The following AGBL4 variants were observed in gnomAD, a reference collection of about 807,000 sequenced individuals.
AGBL4 encodes the protein cytosolic carboxypeptidase 6.
Under a neutral mutation model 66.4 loss-of-function variants are expected in AGBL4, and 58 were observed. That is an observed-to-expected ratio of 0.87 (90% CI 0.71 to 1.09). AGBL4 has a LOEUF of 1.09. Among genes scored for constraint, AGBL4 ranks in the 50% least tolerant of loss-of-function variants. The pLI is 0.00. For missense variants in AGBL4, 579 were observed against 631.0 expected (o/e 0.92, Z 0.88); for synonymous variants, 234 against 222.9 (o/e 1.05, Z -0.44).
intron 3 of AGBL4, among the ~76,000 whole-genome samples, chr1:49,687,605 C>G (rs1440970402): frequency 6.6e-6 from 1 of 151,866 alleles, no homozygotes; most frequent in Non-Finnish European, 1.5e-5. Flanking sequence ...AACCTCATCT[C>G]TACAAAAATA....
intron 9 of AGBL4, among the ~76,000 whole-genome samples, chr1:48,598,288 A>G (rs1645026193): frequency 6.6e-6 from 1 of 152,240 alleles, no homozygotes; most frequent in South Asian, 2.1e-4. Flanking sequence ...AAGCAATCAC[A>G]GTACAGTCAT....
At chr1:49,568,360 A>G (rs1262387092) in intron 3 of AGBL4, among the ~76,000 whole-genome samples, 1 of 151,236 alleles carries the variant, frequency 6.6e-6, no homozygotes, top group Non-Finnish European at 1.5e-5. Context: ...GCTGAGAGCC[A>G]AATCAGGAAC....
chr1:49,409,139 ACT>A (rs1236547732), intron 3 of AGBL4, among the ~76,000 whole-genome samples: 2 of 83,520 alleles, frequency 2.4e-5, no homozygotes, highest in Non-Finnish European at 5.8e-5. Context: ...ATCAAACCCC[ACT>A]CTCTCTGGCT....
intron 5 of AGBL4, among the ~76,000 whole-genome samples, chr1:49,019,181 G>T (rs1327112538): frequency 6.6e-6 from 1 of 152,030 alleles, no homozygotes; most frequent in Non-Finnish European, 1.5e-5. Flanking sequence ...CCACTCACTG[G>T]GATGCTGTGG....
At chr1:48,522,905 G>A in the AGBL4 span, among the ~76,000 whole-genome samples, 2 of 143,590 alleles carry the variant, frequency 1.4e-5, no homozygotes, top group African/African-American at 5.2e-5. Context: ...CAGCCTGGGC[G>A]ACAGGGCAAG....
chr1:48,954,208 C>A (rs1357355216), intron 5 of AGBL4, among the ~76,000 whole-genome samples: 1 of 152,174 alleles, frequency 6.6e-6, no homozygotes, highest in African/African-American at 2.4e-5. Context: ...GACTTGAAAA[C>A]CGGTCAAGAA....
chr1:49,352,047 ACCT>A (rs1387503448), intron 3 of AGBL4, among the ~76,000 whole-genome samples: 15 of 152,250 alleles, frequency 9.9e-5, no homozygotes, highest in African/African-American at 3.4e-4. Context: ...CTGCCTGCAT[ACCT>A]CTGCATCAAA....
chr1:49,818,383 T>TC (rs1224684548), intron 2 of AGBL4, among the ~76,000 whole-genome samples: 1 of 136,176 alleles, frequency 7.3e-6, no homozygotes, highest in African/African-American at 2.8e-5. Context: ...TTTTTTTTTT[T>TC]GAGATGAGGT....
At chr1:49,543,849 T>C (rs373974201) in intron 3 of AGBL4, among the ~76,000 whole-genome samples, 3 of 152,296 alleles carry the variant, frequency 2.0e-5, no homozygotes, top group African/African-American at 7.2e-5. Flanking sequence ...ACTGTTGCAC[T>C]TTGAATTCTT....
At chr1:49,944,546 A>G (rs889253153) in intron 1 of AGBL4, among the ~76,000 whole-genome samples, 2 of 152,138 alleles carry the variant, frequency 1.3e-5, no homozygotes, top group Non-Finnish European at 2.9e-5. Flanking sequence ...ATGTAGGACA[A>G]AAGAATCTGA....
chr1:49,455,119 T>A (rs546617790), intron 3 of AGBL4, among the ~76,000 whole-genome samples: 30 of 151,816 alleles, frequency 2.0e-4, no homozygotes, highest in African/African-American at 7.2e-4. Context: ...GCTTAATCAC[T>A]GCTTAGTCAC....
chr1:49,642,607 AAG>A (rs1645804703), intron 3 of AGBL4, among the ~76,000 whole-genome samples: 1 of 151,940 alleles, frequency 6.6e-6, no homozygotes, highest in Non-Finnish European at 1.5e-5. Flanking sequence ...AAGCACCAAA[AAG>A]GATTAAAAGG....
chr1:48,558,318 G>T lies in AGBL4; in HGVS notation c.1268-18580C>A, dbSNP rs563783403. 2.6e-5 allele frequency among the ~76,000 whole-genome samples: 4 copies of T among 152,230 alleles called. No homozygotes were observed. In the East Asian group the frequency reaches 7.7e-4, roughly 29 times the overall value. On this transcript the variant is annotated intron_variant, in intron 11 of 13. Coordinates refer to ENST00000371839, the MANE Select transcript of AGBL4 (RefSeq NM_032785.4). Reference sequence around the variant, plus strand: ...GAATCATAAAATATCAGAGCAAGAGGGCACCAAAAGTGGACATTTGTCTTG... The same window carrying T: ...GAATCATAAAATATCAGAGCAAGAGTGCACCAAAAGTGGACATTTGTCTTG...
intron 4 of AGBL4, among the ~76,000 whole-genome samples, chr1:49,080,512 T>C (rs920449480): frequency 1.3e-5 from 2 of 152,132 alleles, no homozygotes; most frequent in African/African-American, 4.8e-5. Context: ...CTCCCTTTGA[T>C]TTTTTGGAGG....
At chr1:49,859,414 A>G (rs1007974211) in intron 1 of AGBL4, among the ~76,000 whole-genome samples, 1 of 152,206 alleles carries the variant, frequency 6.6e-6, no homozygotes, top group Non-Finnish European at 1.5e-5. Flanking sequence ...TGGGTGTGCA[A>G]GATCAGTTCA....
At chr1:49,015,920 A>G (rs1231956034) in intron 5 of AGBL4, among the ~76,000 whole-genome samples, 1 of 152,148 alleles carries the variant, frequency 6.6e-6, no homozygotes, top group Non-Finnish European at 1.5e-5. Context: ...AACCAGACCT[A>G]GGTTTTCATC....
intron 6 of AGBL4, among the ~76,000 whole-genome samples, chr1:48,688,994 C>T (rs1198609418): frequency 6.6e-6 from 1 of 151,652 alleles, no homozygotes; most frequent in Admixed American, 6.6e-5. Context: ...GTATCTAGGA[C>T]ATTTAGGCAG....
At chr1:49,637,739 T>C (rs1416891861) in intron 3 of AGBL4, among the ~76,000 whole-genome samples, 1 of 151,886 alleles carries the variant, frequency 6.6e-6, no homozygotes, top group African/African-American at 2.4e-5. Flanking sequence ...CTAAACCTAA[T>C]AGCAACAAAT....
At chr1:49,697,159 A>G (rs1335306443) in intron 3 of AGBL4, 154 bp downstream of exon 3, 1 of 759,960 alleles carries the variant, frequency 1.3e-6, no homozygotes, top group Non-Finnish European at 2.0e-6. Context: ...TATTGTATCT[A>G]TTTCTCTGCA....
Sources: allele counts gnomAD v4.1 joint callset (sites outside exome capture counted in the v4.1 genomes callset), GRCh38; gene constraint gnomAD v4.1.1; transcripts MANE v1.5; gene names NCBI Gene and HGNC (gene_info 2026-07-23, HGNC 2026-07-21).